The following DPYD variants were observed in gnomAD, a reference collection of about 807,000 sequenced individuals.
The protein encoded by DPYD is dihydropyrimidine dehydrogenase.
In DPYD, 109 loss-of-function variants were observed where a neutral mutation model predicts 116.2. The ratio of observed to expected loss-of-function variants is 0.94; its 90% CI spans 0.80 to 1.10. The LOEUF (loss-of-function observed/expected upper bound fraction) is 1.10, where lower values mean the gene tolerates loss of function less well. DPYD is among the 50% of genes least tolerant of loss of function. DPYD has a pLI of 0.00. For missense variants in DPYD, 1,302 were observed against 1,254.5 expected (o/e 1.04, Z -0.57); for synonymous variants, 440 against 432.0 (o/e 1.02, Z -0.23).
intron 19 of DPYD, among the ~76,000 whole-genome samples, chr1:97,195,181 A>G (rs1263813829): frequency 6.6e-6 from 1 of 152,142 alleles, no homozygotes; most frequent in Non-Finnish European, 1.5e-5. Flanking sequence ...ACTTCAAACA[A>G]TGAAACAACC....
rs528093985 is a variant in DPYD, at chr1:97,546,694, A to G, written c.1524+2866T>C. 59 of 1,612,982 alleles carry G rather than the reference A, an allele frequency of 3.7e-5. 1 individual carries two copies. In the African/African-American group the frequency reaches 5.6e-4, roughly 15 times the overall value. On this transcript the variant is annotated intron_variant, in intron 12 of 22. Transcript: ENST00000370192. ...AATATCCATGCCATATCATGTGTGT[A>G]CACTAAAAGATACAGAGGAAGTAGA...
chr1:97,433,154 C>T (rs1375350664), intron 14 of DPYD, among the ~76,000 whole-genome samples: 2 of 152,152 alleles, frequency 1.3e-5, no homozygotes, highest in African/African-American at 4.8e-5. Flanking sequence ...GGGGATTTCT[C>T]TCAAGGCTTT....
At chr1:97,414,231 A>AT in intron 14 of DPYD, among the ~76,000 whole-genome samples, 1 of 152,178 alleles carries the variant, frequency 6.6e-6, no homozygotes, top group Non-Finnish European at 1.5e-5. Flanking sequence ...AGTCTAGGAA[A>AT]ATGCCTTCTT....
At position 97,904,202 on chromosome 1, in the gene DPYD, G is replaced by C. The variant is rs147497864; in HGVS notation, c.39+16682C>G. ...CAAAGTTGTTTGTTTATTTTTAAAT[G>C]TTTATGATATGCATGTACTATCATG... On this transcript the variant is annotated intron_variant, in intron 1 of 22. Transcript: ENST00000370192. 4.0e-3 allele frequency among the ~76,000 whole-genome samples: 601 copies of C among 152,032 alleles called. 5 individuals are homozygous for C. Among genetic ancestry groups the C allele is most frequent in the African/African-American group, 0.014 (575 of 41,492 alleles).
At chr1:97,634,887 T>C (rs948167094) in intron 8 of DPYD, among the ~76,000 whole-genome samples, 12 of 151,268 alleles carry the variant, frequency 7.9e-5, no homozygotes, top group African/African-American at 2.4e-4. Context: ...GGACCAAATC[T>C]AATCTTATCC....
intron 20 of DPYD, among the ~76,000 whole-genome samples, chr1:97,162,977 A>C (rs1387200822): frequency 6.6e-6 from 1 of 151,776 alleles, no homozygotes; most frequent in Non-Finnish European, 1.5e-5. Flanking sequence ...TACAAAAATT[A>C]ATTCAAGATG....
intron 8 of DPYD, among the ~76,000 whole-genome samples, chr1:97,630,128 C>G (rs993694639): frequency 6.6e-6 from 1 of 151,568 alleles, no homozygotes; most frequent in African/African-American, 2.4e-5. Flanking sequence ...AACGTCTATG[C>G]TGTTTATAGT....
chr1:97,164,259 T>A (rs1171833468), intron 20 of DPYD, among the ~76,000 whole-genome samples: 1 of 152,120 alleles, frequency 6.6e-6, no homozygotes, highest in East Asian at 1.9e-4. Flanking sequence ...ATAAACTAGG[T>A]ATTGAAGGAA....
rs1414156000 is a variant in DPYD at position 97,593,387 on chromosome 1, C to A, written c.959G>T (p.Gly320Val). The change falls in exon 10 of 23, where the codon GGA (glycine) becomes GTA (valine). Residue 320 changes from glycine (G) to valine (V), a missense_variant and splice_region_variant. By Grantham distance (109) the Gly-to-Val change is moderately radical (BLOSUM62 -3). Coordinates refer to ENST00000370192, the MANE Select transcript of DPYD (RefSeq NM_000110.4). ...CAATGGAGAGTGACAGGCGCACATTCCTGAATGATGAAAGGAAAACCCCAT... is the reference window on the plus strand; with the variant it reads ...CAATGGAGAGTGACAGGCGCACATTACTGAATGATGAAAGGAAAACCCCAT... ...LPLVAKGSKA[G>V]MCACHSPLPS... 1 of 1,614,020 alleles carries A rather than the reference C, an allele frequency of 6.2e-7. No individual in the cohort carries two copies. The highest frequency in any genetic ancestry group is 2.2e-5 in the East Asian group (1 of 44,862).
intron 19 of DPYD, among the ~76,000 whole-genome samples, chr1:97,226,125 G>T (rs1476144526): frequency 1.3e-5 from 2 of 151,974 alleles, no homozygotes; most frequent in East Asian, 3.9e-4. Context: ...TTAAGAGAAT[G>T]AATCACAAAA....
At chr1:97,681,633 T>C (rs1237757411) in intron 7 of DPYD, among the ~76,000 whole-genome samples, 1 of 152,142 alleles carries the variant, frequency 6.6e-6, no homozygotes, top group Non-Finnish European at 1.5e-5. Context: ...TTAGAATTAG[T>C]AGAATTCGAT....
intron 19 of DPYD, among the ~76,000 whole-genome samples, chr1:97,226,943 G>T (rs549930313): frequency 6.6e-6 from 1 of 152,190 alleles, no homozygotes; most frequent in African/African-American, 2.4e-5. Context: ...GCATGTTACA[G>T]AATAAGATCA....
intron 3 of DPYD, among the ~76,000 whole-genome samples, chr1:97,741,086 G>C (rs1664246286): frequency 2.0e-5 from 3 of 152,062 alleles, no homozygotes; most frequent in Non-Finnish European, 4.4e-5. Context: ...TCCCACAGCT[G>C]CCTTCCCTCT....
At chr1:97,363,916 G>A (rs1258348897) in intron 16 of DPYD, among the ~76,000 whole-genome samples, 1 of 152,148 alleles carries the variant, frequency 6.6e-6, no homozygotes, top group African/African-American at 2.4e-5. Flanking sequence ...AAACCTGCAC[G>A]TTGTGCACAT....
intron 1 of DPYD, among the ~76,000 whole-genome samples, chr1:97,899,314 C>T (rs1206734700): frequency 6.6e-6 from 1 of 151,802 alleles, no homozygotes; most frequent in Non-Finnish European, 1.5e-5. Context: ...TTATTGGCAA[C>T]TCTTCACATG....
intron 20 of DPYD, among the ~76,000 whole-genome samples, chr1:97,174,454 G>A (rs903801252): frequency 7.6e-6 from 1 of 131,732 alleles, no homozygotes; most frequent in Non-Finnish European, 1.8e-5. Flanking sequence ...GTGAAAGGCC[G>A]GAAGTCTTCC....
intron 2 of DPYD, among the ~76,000 whole-genome samples, chr1:97,876,067 A>C (rs1671899197): frequency 6.6e-6 from 1 of 152,028 alleles, no homozygotes; most frequent in Non-Finnish European, 1.5e-5. Flanking sequence ...TGGGGATAGG[A>C]AAATAATAAT....
intron 18 of DPYD, among the ~76,000 whole-genome samples, chr1:97,255,737 C>T (rs1372577460): frequency 6.8e-6 from 1 of 147,434 alleles, no homozygotes; most frequent in Non-Finnish European, 1.5e-5. Context: ...GAAAACAAAT[C>T]TAGAGTGGCT....
intron 14 of DPYD, among the ~76,000 whole-genome samples, chr1:97,449,671 A>G (rs1222691958): frequency 1.3e-5 from 2 of 152,224 alleles, no homozygotes; most frequent in Non-Finnish European, 2.9e-5. Flanking sequence ...CTTCATAGGA[A>G]GATATGCTGC....
Sources: allele counts gnomAD v4.1 joint callset (sites outside exome capture counted in the v4.1 genomes callset), GRCh38; gene constraint gnomAD v4.1.1; transcripts MANE v1.5; gene names NCBI Gene and HGNC (gene_info 2026-07-23, HGNC 2026-07-21).